NEFH: variants seen among roughly 807,000 people sequenced by gnomAD.
NEFH encodes the protein neurofilament heavy chain, also known as neurofilament heavy polypeptide.
Under a neutral mutation model 56.6 loss-of-function variants are expected in NEFH, and 58 were observed. The ratio of observed to expected loss-of-function variants is 1.03; its 90% CI spans 0.83 to 1.28. The LOEUF (loss-of-function observed/expected upper bound fraction) is 1.28, where lower values mean the gene tolerates loss of function less well. NEFH is among the 50% of genes most tolerant of loss of function. NEFH has a pLI of 0.00. For synonymous variants in NEFH, 542 were observed against 545.8 expected, an observed-to-expected ratio of 0.99 and a Z score of 0.10; for missense variants, 1,221 against 1,307.6, an observed-to-expected ratio of 0.93 and a Z score of 1.02.
chr22:29,486,481 C>T (rs1198199885), intron 3 of NEFH, among the ~76,000 whole-genome samples: 1 of 151,814 alleles, frequency 6.6e-6, no homozygotes, highest in Non-Finnish European at 1.5e-5. Flanking sequence ...CTTCCTTCAG[C>T]CCCTGGCAGC....
chr22:29,490,520 G>A lies in NEFH; in HGVS notation c.2880G>A (p.Glu960=), dbSNP rs372070551. The change falls in exon 4 of 4, where the codon GAG becomes GAA. Residue 960 remains glutamate (E), a synonymous_variant. Transcript: ENST00000310624. The part of the protein sequence containing the change: ...AAPEKKDTKE[E]KAKKPEEKPK... ...CGGAGAAAAAAGACACCAAGGAGGA[G>A]AAGGCCAAGAAGCCTGAGGAGAAAC... 2 of 1,596,694 alleles carry A rather than the reference G, an allele frequency of 1.3e-6. No homozygotes were observed. Among genetic ancestry groups the A allele is most frequent in the Non-Finnish European group, 8.5e-7 (1 of 1,175,246 alleles).
chr22:29,490,679 A>G lies in NEFH; in HGVS notation c.3039A>G (p.Glu1013=). 1 of 1,614,160 alleles carries G rather than the reference A, an allele frequency of 6.2e-7. No individual in the cohort carries two copies. Among genetic ancestry groups the G allele is most frequent in the Non-Finnish European group, 8.5e-7 (1 of 1,180,036 alleles). The change falls in exon 4 of 4, where the codon GAA becomes GAG. Residue 1013 remains glutamate (E), a synonymous_variant. Coordinates refer to ENST00000310624, the MANE Select transcript of NEFH (RefSeq NM_021076.4). ...KDSKPPEKAT[E]DKAAKGK is the part of the protein sequence containing the mutation. ...GCAAGCCTCCAGAGAAGGCCACAGA[A>G]GACAAGGCCGCCAAGGGGAAGTAAG...
In NEFH at chr22:29,480,964, C is replaced by A; in HGVS notation, c.702C>A (p.His234Gln). 6.5e-7 allele frequency: 1 copy of A among 1,531,032 alleles called. No individual in the cohort carries two copies. The highest frequency in any genetic ancestry group is 8.7e-7 in the Non-Finnish European group (1 of 1,145,330). The allele number at this position is 1,531,032 out of a possible 1,614,324, so 94.8% of individuals were successfully genotyped here. The change falls in exon 1 of 4, where the codon CAC becomes CAA. Residue 234 changes from histidine (H) to glutamine (Q), a missense_variant. Transcript: ENST00000310624. ...QEECGYLRRHHQEEVGELLGQ... is the reference protein window; with the variant it reads ...QEECGYLRRHQQEEVGELLGQ... The stretch of plus-strand genomic sequence containing the variant: ...AGTGCGGCTACCTGCGGCGCCACCA[C>A]CAGGAAGAGGTGGGCGAGCTGCTCG...
In NEFH at chr22:29,480,395, A is replaced by G. The variant is rs1357785838; in HGVS notation, c.133A>G (p.Ser45Gly). The change falls in exon 1 of 4, where the codon AGC becomes GGC. Residue 45 changes from serine (S) to glycine (G), a missense_variant. Physicochemically the swap from Ser to Gly is moderately conservative, Grantham distance 56 (BLOSUM62 0). Coordinates refer to ENST00000310624, the MANE Select transcript of NEFH (RefSeq NM_021076.4). ...GGTRSAAGSSSGFHSWTRTSV... is the reference protein window; with the variant it reads ...GGTRSAAGSSGGFHSWTRTSV... ...GACGCGCTCCGCCGCTGGCTCCTCCAGCGGCTTCCACTCGTGGACACGGAC... is the reference window on the plus strand; with the variant it reads ...GACGCGCTCCGCCGCTGGCTCCTCCGGCGGCTTCCACTCGTGGACACGGAC... 2.6e-6 allele frequency: 4 copies of G among 1,536,086 alleles called. No individual in the cohort carries two copies. Among genetic ancestry groups the G allele is most frequent in the Non-Finnish European group, 3.5e-6 (4 of 1,148,314 alleles).
chr22:29,490,298 A>C lies in NEFH; in HGVS notation c.2658A>C (p.Lys886Asn), dbSNP rs747742833. ...AGGAACCTGCTGTCGAAAAGCCCAAAGAATCCAAAGTTGAAGCCAAGAAGG... is the reference window on the plus strand; with the variant it reads ...AGGAACCTGCTGTCGAAAAGCCCAACGAATCCAAAGTTGAAGCCAAGAAGG... Reference protein sequence around the residue: ...EKKEPAVEKPKESKVEAKKEE... With the variant: ...EKKEPAVEKPNESKVEAKKEE... The change falls in exon 4 of 4, where the codon AAA becomes AAC. Residue 886 changes from lysine to asparagine, a missense_variant. Around this residue, in one of 4 missense-constraint regions of NEFH, gnomAD observed 301 missense variants for 346.6 expected, o/e 0.87. Transcript: ENST00000310624. The C allele has an allele frequency of 6.2e-7, 1 of 1,612,906 alleles. No homozygotes were observed. Among genetic ancestry groups the C allele is most frequent in the African/African-American group, 1.3e-5 (1 of 74,922 alleles).
rs1439460449 is a variant in NEFH, at chr22:29,481,026, T to C, written c.764T>C (p.Met255Thr). The C allele has an allele frequency of 3.6e-5, 55 of 1,531,504 alleles. No homozygotes were observed. Among genetic ancestry groups the C allele is most frequent in the Non-Finnish European group, 4.6e-5 (53 of 1,145,362 alleles). 94.9% of individuals were successfully genotyped at this position (1,531,504 alleles called of 1,614,324 possible). The change falls in exon 1 of 4, where the codon ATG (methionine) becomes ACG (threonine). Residue 255 changes from methionine (M) to threonine (T), a missense_variant. Transcript: ENST00000310624. ...IQGSGAAQAQ[M>T]QAETRDALKC... The stretch of plus-strand genomic sequence containing the variant: ...GGCTCCGGCGCCGCGCAGGCGCAGA[T>C]GCAGGCCGAGACGCGCGACGCCCTG...
rs1390762618 is a variant in NEFH, at chr22:29,489,427, C to A, written c.1787C>A (p.Ala596Asp). The change falls in exon 4 of 4, where the codon GCT (alanine) becomes GAT (aspartate). Residue 596 changes from alanine (A) to aspartate (D), a missense_variant. Physicochemically the swap from Ala to Asp is moderately radical, Grantham distance 126. Around this residue, in one of 4 missense-constraint regions of NEFH, gnomAD observed 243 missense variants for 299.1 expected, o/e 0.81. Coordinates refer to ENST00000310624, the MANE Select transcript of NEFH (RefSeq NM_021076.4). ...GCAAAGGAAGAGGCAAAGTCACCGG[C>A]TGAGGCCAAGTCTCCAGAGAAGGCC... ...SPAKEEAKSP[A>D]EAKSPEKAKS... The A allele has an allele frequency of 6.2e-7, 1 of 1,600,984 alleles. No individual in the cohort carries two copies. Among genetic ancestry groups the A allele is most frequent in the African/African-American group, 1.4e-5 (1 of 70,256 alleles).
Position 29,480,521 on chromosome 22 carries a change from T to C in NEFH, c.259T>C (p.Cys87Arg), listed in dbSNP as rs1569194098. 1 of 1,536,100 alleles carries C rather than the reference T, an allele frequency of 6.5e-7. No homozygotes were observed. Among genetic ancestry groups the C allele is most frequent in the East Asian group, 2.4e-5 (1 of 41,160 alleles). ...CACGCTGAGCAACGGGCCGGAGGGC[T>C]GCATGGTGGCGGTGGCCACCTCACG... ...LDTLSNGPEG[C>R]MVAVATSRSE... Residue 87 changes from cysteine (C) to arginine (R), a missense_variant, in exon 1 of 4, where the codon TGC becomes CGC. Cys to Arg is a radical substitution (Grantham distance 180). Around this residue, in one of 4 missense-constraint regions of NEFH, gnomAD observed 640 missense variants for 555.5 expected, o/e 1.15. Transcript: ENST00000310624.
chr22:29,482,779 G>T (rs375063037), intron 1 of NEFH, among the ~76,000 whole-genome samples: 17 of 152,206 alleles, frequency 1.1e-4, no homozygotes, highest in East Asian at 9.6e-4. Flanking sequence ...TAGGACCAGG[G>T]TTTCCTCTGC....
At position 29,490,253 on chromosome 22, in the gene NEFH, G is replaced by A; in HGVS notation, c.2613G>A (p.Lys871=). The part of the protein sequence containing the change: ...KEEAPKKEAP[K]PKVEEKKEPA... Reference sequence around the variant, plus strand: ...AGGCACCCAAGAAGGAGGCTCCAAAGCCCAAGGTGGAGGAGAAGAAGGAAC... The same window carrying A: ...AGGCACCCAAGAAGGAGGCTCCAAAACCCAAGGTGGAGGAGAAGAAGGAAC... Residue 871 remains lysine, a synonymous_variant, in exon 4 of 4, where the codon AAG becomes AAA. Transcript: ENST00000310624. The A allele has an allele frequency of 6.2e-7, 1 of 1,611,842 alleles. No homozygotes were observed. Among genetic ancestry groups the A allele is most frequent in the East Asian group, 2.2e-5 (1 of 44,846 alleles).
At chr22:29,487,176 G>A (rs1037832231) in intron 3 of NEFH, among the ~76,000 whole-genome samples, 1 of 152,058 alleles carries the variant, frequency 6.6e-6, no homozygotes, top group Non-Finnish European at 1.5e-5. Flanking sequence ...ATAAGACCGG[G>A]GGGAGCAGGG....
At position 29,483,413 on chromosome 22, in the gene NEFH, A is replaced by C. The variant is rs775525358; in HGVS notation, c.922A>C (p.Thr308Pro). The change falls in exon 2 of 4, where the codon ACA (threonine) becomes CCA (proline). Residue 308 changes from threonine to proline, a missense_variant. This residue lies in a region of NEFH where 640 missense variants were observed against 555.5 expected (regional missense o/e 1.15). Coordinates refer to ENST00000310624, the MANE Select transcript of NEFH (RefSeq NM_021076.4). ...ACTGTCGGAGGCAGCCAAGGTGAAC[A>C]CAGACGCTATGCGCTCAGCGCAGGA... is the stretch of plus-strand genomic sequence containing the variant. ...DRLSEAAKVNTDAMRSAQEEI... is the reference protein window; with the variant it reads ...DRLSEAAKVNPDAMRSAQEEI... 6.2e-7 allele frequency: 1 copy of C among 1,613,884 alleles called. No homozygotes were observed. The highest frequency in any genetic ancestry group is 8.5e-7 in the Non-Finnish European group (1 of 1,180,032).
At chr22:29,488,732 T>A in intron 3 of NEFH, 117 bp from the exon 4 acceptor site, 1 of 989,270 alleles carries the variant, frequency 1.0e-6, no homozygotes. Context: ...TTCACATTCC[T>A]GTTCCACCAA....
Position 29,480,945 on chromosome 22 carries a change from G to A in NEFH, c.683G>A (p.Gly228Asp), listed in dbSNP as rs1359147057. 2.6e-6 allele frequency: 4 copies of A among 1,529,792 alleles called. No homozygotes were observed. Among genetic ancestry groups the A allele is most frequent in the Admixed American group, 2.0e-5 (1 of 50,794 alleles). The allele number at this position is 1,529,792 out of a possible 1,614,324, so 94.8% of individuals were successfully genotyped here. A position where few individuals can be genotyped will look rare whatever the true frequency, so the allele number is the denominator to read the frequency against. Residue 228 changes from glycine to aspartate, a missense_variant, in exon 1 of 4, where the codon GGC (glycine) becomes GAC (aspartate). Gly to Asp is a moderately conservative substitution (Grantham distance 94). Around this residue, in one of 4 missense-constraint regions of NEFH, gnomAD observed 640 missense variants for 555.5 expected, o/e 1.15. Coordinates refer to ENST00000310624, the MANE Select transcript of NEFH (RefSeq NM_021076.4). ...KKAQALQEECGYLRRHHQEEV... is the reference protein window; with the variant it reads ...KKAQALQEECDYLRRHHQEEV... ...GCGCAGGCGCTGCAGGAGGAGTGCG[G>A]CTACCTGCGGCGCCACCACCAGGAA...
intron 1 of NEFH, among the ~76,000 whole-genome samples, 182 bp from the exon 2 acceptor site, chr22:29,483,193 C>T (rs1338325804): frequency 2.6e-5 from 4 of 151,590 alleles, no homozygotes; most frequent in Non-Finnish European, 4.4e-5. Context: ...GCAGGAGAAT[C>T]GCTTGAACCC....
intron 3 of NEFH, 144 bp downstream of exon 3, chr22:29,485,991 A>G: frequency 2.5e-6 from 2 of 807,838 alleles, no homozygotes; most frequent in South Asian, 1.5e-5. Flanking sequence ...TAGACAAAAC[A>G]TACAATTTAC....
Position 29,491,156 on chromosome 22 carries a change from AGAGCTCT to A in NEFH, c.*454_*460del. On this transcript the variant is annotated 3_prime_UTR_variant, in exon 4 of 4. Transcript: ENST00000310624. ...CAAAGGAGTGGTCAAGCCCTTGCCC[AGAGCTCT>A]CTATTCTGGAAGAGCGGTCCAGGTG... 2 of 299,502 alleles carry A rather than the reference AGAGCTCT, an allele frequency of 6.7e-6. No individual in the cohort carries two copies. The highest frequency in any genetic ancestry group is 6.5e-5 in the South Asian group (2 of 30,740). 18.6% of individuals were successfully genotyped at this position (299,502 alleles called of 1,614,324 possible).
At chr22:29,485,986 A>G in intron 3 of NEFH, 139 bp downstream of exon 3, 1 of 830,160 alleles carries the variant, frequency 1.2e-6, no homozygotes, top group African/African-American at 1.7e-5. Context: ...CAAAATAGAC[A>G]AAACATACAA....
rs2063058973 is a variant in NEFH, at chr22:29,488,907, C to T, written c.1267C>T (p.Pro423Ser). 2 of 1,614,116 alleles carry T rather than the reference C, an allele frequency of 1.2e-6. No homozygotes were observed. Among genetic ancestry groups the T allele is most frequent in the Non-Finnish European group, 1.7e-6 (2 of 1,180,020 alleles). Residue 423 changes from proline (P) to serine (S), a missense_variant, in exon 4 of 4, where the codon CCA (proline) becomes TCA (serine). By Grantham distance (74) the Pro-to-Ser change is moderately conservative. Transcript: ENST00000310624. ...CTTTGGCCCAATTCCTTTCTCGCTT[C>T]CAGAAGGACTCCCCAAAATTCCCTC... ...IGFGPIPFSL[P>S]EGLPKIPSVS...
Sources: allele counts gnomAD v4.1 joint callset (sites outside exome capture counted in the v4.1 genomes callset), GRCh38; gene constraint gnomAD v4.1.1; regional missense constraint gnomAD v4.1.1; transcripts MANE v1.5; gene names NCBI Gene and HGNC (gene_info 2026-07-23, HGNC 2026-07-21).